SORL1: variants seen among roughly 807,000 people sequenced by gnomAD.
The protein encoded by SORL1 is sortilin-related receptor.
Under a neutral mutation model 273.7 loss-of-function variants are expected in SORL1, and 127 were observed. The observed-to-expected ratio is 0.46, with a 90% CI of 0.40 to 0.54. SORL1 has a LOEUF of 0.54. SORL1 is among the 20% of genes least tolerant of loss of function. The pLI, the probability that SORL1 is intolerant of heterozygous loss-of-function variation, is 0.00. For synonymous variants in SORL1, 1,031 were observed against 1,067.4 expected (o/e 0.97, Z 0.66); for missense variants, 2,494 against 2,846.1 (o/e 0.88, Z 2.81).
intron 11 of SORL1, among the ~76,000 whole-genome samples, chr11:121,527,933 A>G (rs951043236): frequency 1.3e-5 from 2 of 150,312 alleles, no homozygotes; most frequent in Admixed American, 6.6e-5. Flanking sequence ...TTGATTTTCT[A>G]TTGTCTGTTT....
intron 23 of SORL1, among the ~76,000 whole-genome samples, chr11:121,573,283 G>C (rs1192036929): frequency 6.6e-6 from 1 of 152,178 alleles, no homozygotes; most frequent in Non-Finnish European, 1.5e-5. Context: ...GTAAAGGCAG[G>C]TTAAGTAAGT....
intron 3 of SORL1, among the ~76,000 whole-genome samples, chr11:121,485,304 A>G (rs1480079297): frequency 1.3e-5 from 2 of 152,166 alleles, no homozygotes; most frequent in African/African-American, 4.8e-5. Context: ...CTATGAATGA[A>G]GTTCAGGAAA....
At chr11:121,524,630 A>G (rs1488924166) in intron 11 of SORL1, among the ~76,000 whole-genome samples, 1 of 152,236 alleles carries the variant, frequency 6.6e-6, no homozygotes, top group African/African-American at 2.4e-5. Flanking sequence ...TGCCTGGAGC[A>G]CTGATGACTG....
intron 1 of SORL1, among the ~76,000 whole-genome samples, chr11:121,469,235 ACACCTGCTGGAACT>A (rs1861135000): frequency 6.6e-6 from 1 of 152,134 alleles, no homozygotes; most frequent in Non-Finnish European, 1.5e-5. Flanking sequence ...CTCTCACATT[ACACCTGCTGGAACT>A]CAGTCCCAGG....
In SORL1 at chr11:121,590,910, C is replaced by A. The variant is rs771272919; in HGVS notation, c.4214-91C>A. On this transcript the variant is annotated intron_variant, in intron 30 of 47. Coordinates refer to ENST00000260197, the MANE Select transcript of SORL1 (RefSeq NM_003105.6). ...CCTCCCTCAGCAGGTACAGCTAAAA[C>A]TGGGACATCCGCACTAGGTTTGGGA... The A allele has an allele frequency of 2.8e-6, 4 of 1,444,050 alleles. No homozygotes were observed. In the South Asian group the frequency reaches 3.4e-5, roughly 12 times the overall value. The allele number at this position is 1,444,050 out of a possible 1,614,324, so 89.5% of individuals were successfully genotyped here. A position where few individuals can be genotyped will look rare whatever the true frequency, so the allele number is the denominator to read the frequency against.
intron 12 of SORL1, among the ~76,000 whole-genome samples, chr11:121,539,784 G>T (rs1459420030): frequency 7.2e-5 from 11 of 152,038 alleles, no homozygotes; most frequent in African/African-American, 2.7e-4. Context: ...CTGGGTGATG[G>T]TTTTCATAAA....
Position 121,586,314 on chromosome 11 carries a change from G to T in SORL1, c.3799G>T (p.Asp1267Tyr). The T allele has an allele frequency of 6.2e-7, 1 of 1,613,770 alleles. No homozygotes were observed. Among genetic ancestry groups the T allele is most frequent in the Non-Finnish European group, 8.5e-7 (1 of 1,179,636 alleles). The part of the protein sequence containing the change: ...DGLRDCSDGS[D>Y]EQHCEPLCTH... ...TCTGCGTGATTGCTCTGATGGCTCC[G>T]ATGAACAGCACTGCGGTGAGTTCAT... Residue 1267 changes from aspartate to tyrosine, a missense_variant, in exon 27 of 48, where the codon GAT (aspartate) becomes TAT (tyrosine). By Grantham distance (160) the Asp-to-Tyr change is radical. Around this residue, in one of 3 missense-constraint regions of SORL1, gnomAD observed 1,609 missense variants for 1,816.4 expected, o/e 0.89. Transcript: ENST00000260197.
Position 121,627,565 on chromosome 11 carries a change from A to G in SORL1, c.6375A>G (p.Ala2125=). Residue 2125 remains alanine, a synonymous_variant, in exon 47 of 48, where the codon GCA becomes GCG. Coordinates refer to ENST00000260197, the MANE Select transcript of SORL1 (RefSeq NM_003105.6). This position sits in a 1 kb window ranked among gnomAD's most constrained non-coding sequence, Gnocchi z 4.9. ...ACTTTGCCTTGGCAGGTGCAGATGC[A>G]TCTGCAACGCAGGCTGCCAGATCTA... The part of the protein sequence containing the change: ...LYDELGSGAD[A]SATQAARSTD... 6.2e-7 allele frequency: 1 copy of G among 1,614,132 alleles called. No individual in the cohort carries two copies. Among genetic ancestry groups the G allele is most frequent in the Non-Finnish European group, 8.5e-7 (1 of 1,180,004 alleles).
chr11:121,616,293 A>C (rs1351239737), intron 41 of SORL1, among the ~76,000 whole-genome samples: 1 of 152,158 alleles, frequency 6.6e-6, no homozygotes, highest in Non-Finnish European at 1.5e-5. Flanking sequence ...GGTCACACTA[A>C]AGGTGGCTTT....
chr11:121,625,017 G>C, intron 45 of SORL1, 68 bp from the exon 46 acceptor site: 1 of 1,179,646 alleles, frequency 8.5e-7, no homozygotes, highest in Non-Finnish European at 1.2e-6. Flanking sequence ...CATAAAGATG[G>C]AACCAGTAAT....
intron 42 of SORL1, 79 bp downstream of exon 42, chr11:121,618,972 G>A: frequency 6.7e-7 from 1 of 1,498,038 alleles, no homozygotes; most frequent in South Asian, 1.2e-5. Context: ...GACCTGGGGA[G>A]CTTGCATACC....
chr11:121,475,952 A>G (rs1245818700), intron 2 of SORL1, among the ~76,000 whole-genome samples: 1 of 152,216 alleles, frequency 6.6e-6, no homozygotes, highest in East Asian at 1.9e-4. Context: ...AGCACCTGCT[A>G]TGCCCCAGGT....
At chr11:121,544,546 G>A (rs1862395261) in intron 13 of SORL1, among the ~76,000 whole-genome samples, 1 of 152,176 alleles carries the variant, frequency 6.6e-6, no homozygotes, top group East Asian at 1.9e-4. Flanking sequence ...CAGTCTGTAG[G>A]AGTTTAATAA....
intron 12 of SORL1, among the ~76,000 whole-genome samples, chr11:121,540,520 T>TAAAAAAAAAAAAAAAAAA (rs1301451125): frequency 9.8e-5 from 2 of 20,408 alleles, no homozygotes; most frequent in African/African-American, 1.2e-4. Context: ...CTACTAAAAA[T>TAAAAAAAAAAAAAAAAAA]ACAAAAAAAA....
At chr11:121,574,160 A>T in intron 23 of SORL1, 81 bp from the exon 24 acceptor site, 2 of 1,385,330 alleles carry the variant, frequency 1.4e-6, no homozygotes, top group African/African-American at 2.9e-5. Context: ...CTATTTTTTA[A>T]TTGGTTTTCC....
At chr11:121,549,287 A>G (rs988929510) in intron 14 of SORL1, among the ~76,000 whole-genome samples, 10 of 152,182 alleles carry the variant, frequency 6.6e-5, no homozygotes, top group African/African-American at 2.2e-4. Context: ...CAGTGGCGCA[A>G]TCACGGCTCA....
Position 121,491,022 on chromosome 11 carries a change from G to A in SORL1, c.758+912G>A, listed in dbSNP as rs796844358. On this transcript the variant is annotated intron_variant, in intron 5 of 47. Coordinates refer to ENST00000260197, the MANE Select transcript of SORL1 (RefSeq NM_003105.6). Reference sequence around the variant, plus strand: ...GAGGAGGTGGCCCTTGATCCAGGATGTGCACAACAGGTAGGATGTCCCTGT... The same window carrying A: ...GAGGAGGTGGCCCTTGATCCAGGATATGCACAACAGGTAGGATGTCCCTGT... Among the ~76,000 whole-genome samples the A allele has an allele frequency of 4.7e-5, 6 of 128,456 alleles. No homozygotes were observed. The South Asian group carries it at 1.5e-3, about 32-fold the overall frequency. The allele number at this position is 128,456 out of a possible 152,430, so 84.3% of individuals were successfully genotyped here.
At chr11:121,552,142 A>G (rs1334529001) in intron 16 of SORL1, among the ~76,000 whole-genome samples, 2 of 152,222 alleles carry the variant, frequency 1.3e-5, no homozygotes, top group African/African-American at 4.8e-5. Context: ...GAGAGAAAAA[A>G]AAAGGCATGG....
At chr11:121,522,557 T>A (rs751562750) in intron 9 of SORL1, 29 bp from the exon 10 acceptor site, 1 of 1,512,804 alleles carries the variant, frequency 6.6e-7, no homozygotes, top group Non-Finnish European at 9.2e-7. Context: ...TATCATGTGC[T>A]GACACTGCCT....
Sources: allele counts gnomAD v4.1 joint callset (sites outside exome capture counted in the v4.1 genomes callset), GRCh38; gene constraint gnomAD v4.1.1; regional missense constraint gnomAD v4.1.1; non-coding constraint Gnocchi (gnomAD v3.1); transcripts MANE v1.5; gene names NCBI Gene and HGNC (gene_info 2026-07-23, HGNC 2026-07-21).